AGBL1: variants seen among roughly 807,000 people sequenced by gnomAD.
AGBL1 encodes the protein AGBL carboxypeptidase 1.
AGBL1 carries 130 observed loss-of-function variants against 118.9 expected under a neutral mutation model. That is an observed-to-expected ratio of 1.09 (90% confidence interval 0.95 to 1.26). AGBL1 has a LOEUF of 1.26. Ranked by LOEUF, AGBL1 falls within the 50% of genes most tolerant of loss-of-function variation. The pLI, the probability that AGBL1 is intolerant of heterozygous loss-of-function variation, is 0.00. For missense variants in AGBL1, 1,584 were observed against 1,298.1 expected (o/e 1.22, Z -3.38); for synonymous variants, 555 against 478.9 (o/e 1.16, Z -2.08).
intron 18 of AGBL1, among the ~76,000 whole-genome samples, chr15:86,474,033 A>G (rs560572926): frequency 2.0e-5 from 3 of 152,266 alleles, no homozygotes; most frequent in Non-Finnish European, 2.9e-5. Flanking sequence ...TTTGGTATTT[A>G]TTTTTAATGA....
intron 18 of AGBL1, among the ~76,000 whole-genome samples, chr15:86,464,863 C>A (rs11630298): frequency 1.3e-5 from 2 of 151,222 alleles, no homozygotes; most frequent in African/African-American, 2.4e-5. Context: ...TGAGGATTTT[C>A]GCATCAATGT....
chr15:86,625,364 C>CCTTTTTTTTTTTTTTTTTTTTTT lies in AGBL1; in HGVS notation c.2995-48909_2995-48908insCTTTTTTTTTTTTTTTTTTTTTT, dbSNP rs1429206623. The stretch of plus-strand genomic sequence containing the variant: ...CAGCCTCCAAGGTAGAAGAAATTAG[C>CCTTTTTTTTTTTTTTTTTTTTTT]GTTTTTTTTTTTTTGTTTTTGTTTT... On this transcript the variant is annotated intron_variant, in intron 21 of 22. Transcript: ENST00000614907. Among the ~76,000 whole-genome samples the CCTTTTTTTTTTTTTTTTTTTTTT allele has an allele frequency of 2.2e-4, 15 of 68,260 alleles. 7 individuals carry two copies. The highest frequency in any genetic ancestry group is 2.5e-4 in the African/African-American group (5 of 20,010). 44.8% of individuals were successfully genotyped at this position (68,260 alleles called of 152,430 possible).
Position 86,269,828 on chromosome 15 carries a change from A to G in AGBL1, c.1839-91A>G, listed in dbSNP as rs954377636. The stretch of plus-strand genomic sequence containing the variant: ...TGAGATCCTGGGTCTTAGATCTGTA[A>G]CCCAGAAACTGAAACGTGTAGATTC... On this transcript the variant is annotated intron_variant, in intron 13 of 22. Coordinates refer to ENST00000614907, the MANE Select transcript of AGBL1 (RefSeq NM_001386094.1). 64 of 1,427,390 alleles carry G rather than the reference A, an allele frequency of 4.5e-5. No homozygotes were observed. The African/African-American group carries it at 7.5e-4, about 17-fold the overall frequency. The allele number at this position is 1,427,390 out of a possible 1,614,324, so 88.4% of individuals were successfully genotyped here.
intron 23 of AGBL1, among the ~76,000 whole-genome samples, chr15:86,974,910 T>C (rs765629808): frequency 4.6e-5 from 7 of 152,012 alleles, no homozygotes; most frequent in Non-Finnish European, 1.0e-4. Flanking sequence ...TGAGTGGAGA[T>C]ATAAAGCAGA....
At chr15:86,528,135 C>G (rs1304136273) in intron 19 of AGBL1, among the ~76,000 whole-genome samples, 1 of 152,232 alleles carries the variant, frequency 6.6e-6, no homozygotes, top group Non-Finnish European at 1.5e-5. Context: ...CAGCTCCGGT[C>G]TACAGCTCCC....
intron 4 of AGBL1, among the ~76,000 whole-genome samples, chr15:86,156,418 G>T (rs998004341): frequency 3.9e-5 from 6 of 152,102 alleles, no homozygotes; most frequent in African/African-American, 1.2e-4. Flanking sequence ...GTCCACATTA[G>T]ACTAGGACCC....
chr15:86,990,429 G>C (rs2594325), intron 24 of AGBL1, among the ~76,000 whole-genome samples: 64,391 of 151,742 alleles, frequency 0.42, 16,315 homozygotes, highest in Non-Finnish European at 0.58. Flanking sequence ...CAGGAGAATT[G>C]CTTGAACCCA....
intron 9 of AGBL1, among the ~76,000 whole-genome samples, chr15:86,259,058 T>C (rs1175818122): frequency 1.3e-5 from 2 of 152,214 alleles, no homozygotes; most frequent in African/African-American, 4.8e-5. Context: ...TTACTGACTG[T>C]TTTTGTACAA....
intron 21 of AGBL1, among the ~76,000 whole-genome samples, chr15:86,614,820 A>G (rs372343311): frequency 1.3e-3 from 198 of 152,338 alleles, no homozygotes; most frequent in African/African-American, 3.7e-3. Flanking sequence ...CATATAATCT[A>G]CTGATCGTAA....
At chr15:86,779,039 G>A (rs55838026) in intron 22 of AGBL1, among the ~76,000 whole-genome samples, 4,578 of 152,182 alleles carry the variant, frequency 0.03, 249 homozygotes, top group African/African-American at 0.1. Context: ...CTGACTTCCC[G>A]CAACAGCTAA....
intron 22 of AGBL1, among the ~76,000 whole-genome samples, chr15:86,678,247 C>T (rs908337904): frequency 1.5e-4 from 23 of 151,998 alleles, no homozygotes; most frequent in Admixed American, 1.5e-3. Context: ...TATTTTTTAC[C>T]TATGGATAAA....
At chr15:86,683,572 C>T (rs1252909695) in intron 22 of AGBL1, among the ~76,000 whole-genome samples, 1 of 152,074 alleles carries the variant, frequency 6.6e-6, no homozygotes, top group East Asian at 1.9e-4. Context: ...TTACACATTG[C>T]CAGTCAACAT....
At chr15:86,244,994 G>A (rs564008443) in intron 6 of AGBL1, among the ~76,000 whole-genome samples, 24 of 152,202 alleles carry the variant, frequency 1.6e-4, no homozygotes, top group Non-Finnish European at 3.1e-4. Context: ...GGTAATGAAG[G>A]CAATTCAAAC....
chr15:86,589,000 C>G (rs1029156412), intron 21 of AGBL1, among the ~76,000 whole-genome samples: 8 of 151,808 alleles, frequency 5.3e-5, no homozygotes, highest in African/African-American at 1.9e-4. Flanking sequence ...TTATGTGTAT[C>G]TTTTCAGAAT....
At chr15:86,452,480 T>C (rs1380025354) in intron 18 of AGBL1, among the ~76,000 whole-genome samples, 3 of 152,172 alleles carry the variant, frequency 2.0e-5, no homozygotes, top group African/African-American at 7.2e-5. Context: ...CACCAGGAAC[T>C]CCTTCATGGA....
chr15:86,721,910 C>T (rs1341563175), intron 22 of AGBL1, among the ~76,000 whole-genome samples: 1 of 152,118 alleles, frequency 6.6e-6, no homozygotes, highest in African/African-American at 2.4e-5. Flanking sequence ...TTCACAATTG[C>T]TTCAAAGAGA....
At chr15:86,951,660 G>A (rs571193194) in intron 23 of AGBL1, among the ~76,000 whole-genome samples, 3 of 152,226 alleles carry the variant, frequency 2.0e-5, no homozygotes, top group Non-Finnish European at 2.9e-5. Flanking sequence ...TTGCTAAGAT[G>A]AGACACAAAG....
intron 23 of AGBL1, among the ~76,000 whole-genome samples, chr15:86,925,073 G>A (rs2080517251): frequency 6.6e-6 from 1 of 150,506 alleles, no homozygotes; most frequent in Non-Finnish European, 1.5e-5. Context: ...CTGCACTCCA[G>A]CCTGTGTGAC....
intron 19 of AGBL1, among the ~76,000 whole-genome samples, chr15:86,527,629 ACT>A (rs1221750489): frequency 2.6e-5 from 4 of 152,008 alleles, no homozygotes; most frequent in Non-Finnish European, 4.4e-5. Context: ...ATTAACTGTG[ACT>A]CTGCCCAAAT....
Sources: gnomAD v4.1 joint callset for allele counts (sites outside exome capture counted in the v4.1 genomes callset) on GRCh38, gnomAD v4.1.1 for gene constraint, MANE v1.5 for transcripts, NCBI Gene and HGNC (gene_info 2026-07-23, HGNC 2026-07-21) for gene names.